SLCO3A1: variants seen among roughly 807,000 people sequenced by gnomAD.
SLCO3A1 encodes the protein solute carrier organic anion transporter family member 3A1, also known as PGE1 transporter.
Under a neutral mutation model 63.1 loss-of-function variants are expected in SLCO3A1, and 27 were observed. That is an observed-to-expected ratio of 0.43 (90% confidence interval 0.32 to 0.59). The LOEUF (loss-of-function observed/expected upper bound fraction) is 0.59, where lower values mean the gene tolerates loss of function less well. SLCO3A1 is among the 20% of genes least tolerant of loss of function. The pLI is 0.09. For synonymous variants in SLCO3A1, 473 were observed against 409.9 expected (o/e 1.15, Z -1.86); for missense variants, 773 against 945.8 (o/e 0.82, Z 2.40).
In SLCO3A1 at chr15:92,000,367, A is replaced by AG. The variant is rs1430005379; in HGVS notation, c.646+83911dup. 2.0e-4 allele frequency among the ~76,000 whole-genome samples: 30 copies of AG among 151,930 alleles called. 1 individual carries two copies. The East Asian group carries it at 5.6e-3, about 28-fold the overall frequency. ...GTTAAATTGAGCTGGAGCGAAAAGGAGGCTTTAACTCTGTAATGTTTTTTT... is the reference window on the plus strand; with the variant it reads ...GTTAAATTGAGCTGGAGCGAAAAGGAGGGCTTTAACTCTGTAATGTTTTTTT... On this transcript the variant is annotated intron_variant, in intron 2 of 9. Coordinates refer to ENST00000318445, the MANE Select transcript of SLCO3A1 (RefSeq NM_013272.4).
At chr15:92,047,000 T>TA (rs1555427512) in intron 2 of SLCO3A1, among the ~76,000 whole-genome samples, 4 of 84,690 alleles carry the variant, frequency 4.7e-5, no homozygotes, top group African/African-American at 1.7e-4. Context: ...TATAAATATA[T>TA]ATATATAAAT....
At chr15:92,095,238 A>G (rs1338383435) in intron 3 of SLCO3A1, among the ~76,000 whole-genome samples, 1 of 152,198 alleles carries the variant, frequency 6.6e-6, no homozygotes, top group Non-Finnish European at 1.5e-5. Context: ...TCAAATCTGT[A>G]TTTTCCTTAT....
chr15:91,982,009 C>T (rs968594530), intron 2 of SLCO3A1, among the ~76,000 whole-genome samples: 14 of 152,266 alleles, frequency 9.2e-5, no homozygotes, highest in Non-Finnish European at 1.8e-4. Context: ...AAGTTATGCA[C>T]ATCATTGCAG....
intron 2 of SLCO3A1, among the ~76,000 whole-genome samples, chr15:92,061,733 A>C (rs767166242): frequency 5.3e-5 from 8 of 152,214 alleles, no homozygotes; most frequent in Non-Finnish European, 1.0e-4. Context: ...ACAGCATGCT[A>C]GCAAAACAGG....
rs571106472 is a variant in SLCO3A1 at position 92,160,758 on chromosome 15, C to A, written c.1754-1998C>A. On this transcript the variant is annotated intron_variant, in intron 9 of 9. Coordinates refer to ENST00000318445, the MANE Select transcript of SLCO3A1 (RefSeq NM_013272.4). Reference sequence around the variant, plus strand: ...ATTAGCACTCATAGGGTAGCAAAGCCCCGCTCTCACCCGATTCCAGGCATG... The same window carrying A: ...ATTAGCACTCATAGGGTAGCAAAGCACCGCTCTCACCCGATTCCAGGCATG... Among the ~76,000 whole-genome samples the A allele has an allele frequency of 7.9e-5, 12 of 152,166 alleles. 1 individual carries two copies. The highest frequency in any genetic ancestry group is 6.5e-4 in the Admixed American group (10 of 15,280).
intron 2 of SLCO3A1, among the ~76,000 whole-genome samples, chr15:92,048,368 G>T (rs1166227013): frequency 6.6e-6 from 1 of 152,096 alleles, no homozygotes; most frequent in Non-Finnish European, 1.5e-5. Flanking sequence ...CAGTCCTGCT[G>T]CTATGAAATG....
rs544351500 is a variant in SLCO3A1, at chr15:92,061,083, C to T, written c.647-33798C>T. 2.6e-4 allele frequency among the ~76,000 whole-genome samples: 39 copies of T among 152,312 alleles called. 1 individual carries two copies. The highest frequency in any genetic ancestry group is 4.9e-4 in the Non-Finnish European group (33 of 68,032). ...TTTTGACATCCACAGTAATTAATGA[C>T]GTGCCTTATACGTGTTCGGTGAGTA... On this transcript the variant is annotated intron_variant, in intron 2 of 9. Transcript: ENST00000318445.
intron 4 of SLCO3A1, among the ~76,000 whole-genome samples, chr15:92,119,740 A>G (rs1241921040): frequency 6.6e-6 from 1 of 152,156 alleles, no homozygotes; most frequent in Non-Finnish European, 1.5e-5. Flanking sequence ...GATTTTGACC[A>G]TTGCAGGGTT....
intron 2 of SLCO3A1, among the ~76,000 whole-genome samples, chr15:91,976,510 T>C (rs1038898157): frequency 6.6e-6 from 1 of 152,204 alleles, no homozygotes; most frequent in Non-Finnish European, 1.5e-5. Context: ...ACCAATTGCA[T>C]TCTGTACGTG....
downstream of SLCO3A1, chr15:92,165,957 T>C (rs2048490583): frequency 1.8e-5 from 17 of 919,146 alleles, no homozygotes; most frequent in Non-Finnish European, 2.1e-5. Flanking sequence ...CAGCTGAACA[T>C]GCCCAGGGTG....
At chr15:92,097,543 T>C (rs919789014) in intron 3 of SLCO3A1, among the ~76,000 whole-genome samples, 3 of 152,322 alleles carry the variant, frequency 2.0e-5, no homozygotes, top group South Asian at 4.1e-4. Flanking sequence ...GTGTGATCCA[T>C]GGTTCCAGGC....
intron 2 of SLCO3A1, among the ~76,000 whole-genome samples, chr15:92,046,203 A>G (rs1461487012): frequency 6.6e-6 from 1 of 152,150 alleles, no homozygotes; most frequent in Non-Finnish European, 1.5e-5. Flanking sequence ...TACAGTGGAC[A>G]CATAAAAACA....
intron 1 of SLCO3A1, 112 bp from the exon 2 acceptor site, chr15:91,915,881 C>A: frequency 1.2e-6 from 1 of 865,638 alleles, no homozygotes; most frequent in Non-Finnish European, 1.9e-6. Flanking sequence ...GCACCGGAGG[C>A]CAGGTGGGAG....
At chr15:92,011,946 A>G (rs1359422062) in intron 2 of SLCO3A1, among the ~76,000 whole-genome samples, 3 of 152,250 alleles carry the variant, frequency 2.0e-5, no homozygotes, top group Non-Finnish European at 2.9e-5. Flanking sequence ...CCAGGGTCAC[A>G]GACTGCTGCT....
chr15:92,049,203 G>T (rs1326076637), intron 2 of SLCO3A1, among the ~76,000 whole-genome samples: 5 of 152,148 alleles, frequency 3.3e-5, no homozygotes. Context: ...TCTGCACAGT[G>T]GCTTCTCCTC....
At chr15:92,062,786 G>A (rs575953796) in intron 2 of SLCO3A1, among the ~76,000 whole-genome samples, 1 of 152,280 alleles carries the variant, frequency 6.6e-6, no homozygotes, top group East Asian at 1.9e-4. Flanking sequence ...TATCATTGTG[G>A]TCCCTCTGCT....
chr15:92,000,533 A>T (rs2046241204), intron 2 of SLCO3A1, among the ~76,000 whole-genome samples: 1 of 127,964 alleles, frequency 7.8e-6, no homozygotes, highest in African/African-American at 3.1e-5. Flanking sequence ...AATGCTGTTG[A>T]ATGCAGAAAA....
chr15:91,963,220 TTGG>T (rs1450218244), intron 2 of SLCO3A1, among the ~76,000 whole-genome samples: 1 of 152,174 alleles, frequency 6.6e-6, no homozygotes, highest in Non-Finnish European at 1.5e-5. Flanking sequence ...GGCAAGATGC[TTGG>T]TGGGCTTTTG....
At chr15:92,136,329 G>C (rs1395427840) in intron 7 of SLCO3A1, among the ~76,000 whole-genome samples, 2 of 152,130 alleles carry the variant, frequency 1.3e-5, no homozygotes, top group South Asian at 2.1e-4. Context: ...ATCAGGATTG[G>C]ATGTGGGGGG....
Sources: allele counts gnomAD v4.1 joint callset (sites outside exome capture counted in the v4.1 genomes callset), GRCh38; gene constraint gnomAD v4.1.1; transcripts MANE v1.5; gene names NCBI Gene and HGNC (gene_info 2026-07-23, HGNC 2026-07-21).